SNRNP40: variants seen among roughly 807,000 people sequenced by gnomAD.
SNRNP40 encodes the protein U5 small nuclear ribonucleoprotein 40 kDa protein.
Under a neutral mutation model 45.8 loss-of-function variants are expected in SNRNP40, and 21 were observed. The observed-to-expected ratio is 0.46, with a 90% CI of 0.32 to 0.66. The LOEUF is 0.66. Among genes scored for constraint, SNRNP40 ranks in the 30% least tolerant of loss-of-function variants. SNRNP40 has a pLI of 0.03. For missense variants in SNRNP40, 344 were observed against 439.1 expected (o/e 0.78, Z 1.94); for synonymous variants, 142 against 163.8 (o/e 0.87, Z 1.01).
intron 4 of SNRNP40, among the ~76,000 whole-genome samples, chr1:31,286,649 C>T (rs531079914): frequency 5.3e-4 from 80 of 152,294 alleles, no homozygotes; most frequent in South Asian, 8.3e-4. Flanking sequence ...CACGTACAGG[C>T]GACCCTTTCA....
intron 5 of SNRNP40, among the ~76,000 whole-genome samples, chr1:31,273,715 C>A (rs1332123377): frequency 1.3e-5 from 2 of 151,916 alleles, no homozygotes; most frequent in East Asian, 3.9e-4. Context: ...AATGAAAAAT[C>A]TGGGCATCTG....
chr1:31,281,788 T>C (rs1043875818), intron 4 of SNRNP40: 1 of 217,616 alleles, frequency 4.6e-6, no homozygotes, highest in African/African-American at 2.3e-5. Context: ...CCTAACTACT[T>C]AGTTCATATA....
Position 31,296,735 on chromosome 1 carries a change from T to G in SNRNP40, c.17A>C (p.Lys6Thr). 1 of 1,608,626 alleles carries G rather than the reference T, an allele frequency of 6.2e-7. No homozygotes were observed. Among genetic ancestry groups the G allele is most frequent in the Non-Finnish European group, 8.5e-7 (1 of 1,177,822 alleles). ...CAGCGGCAACTCTGGGCCCTTACGC[T>G]TCTGCTGTTCTATCATGGCGGCAAC... MIEQQ[K>T]RKGPELPLVP... The change falls in exon 1 of 10, where the codon AAG becomes ACG. Residue 6 changes from lysine (K) to threonine (T), a missense_variant. Transcript: ENST00000263694.
chr1:31,293,940 T>C (rs1646123736), intron 1 of SNRNP40, among the ~76,000 whole-genome samples: 1 of 151,850 alleles, frequency 6.6e-6, no homozygotes, highest in African/African-American at 2.4e-5. Flanking sequence ...CTGGGTGAAA[T>C]AGTTTTGTTT....
chr1:31,290,317 A>G (rs1331059561), intron 3 of SNRNP40, among the ~76,000 whole-genome samples: 3 of 152,162 alleles, frequency 2.0e-5, no homozygotes, highest in Non-Finnish European at 2.9e-5. Context: ...TTATAAGCAC[A>G]TGCCACCAGG....
chr1:31,293,995 G>A (rs1237930918), intron 1 of SNRNP40, among the ~76,000 whole-genome samples: 1 of 152,054 alleles, frequency 6.6e-6, no homozygotes, highest in Non-Finnish European at 1.5e-5. Context: ...GTTTTGCTCT[G>A]TCACCCAGGC....
intron 5 of SNRNP40, among the ~76,000 whole-genome samples, chr1:31,280,682 C>T (rs1470691217): frequency 6.6e-6 from 1 of 151,986 alleles, no homozygotes; most frequent in Non-Finnish European, 1.5e-5. Context: ...CATTTCCTGG[C>T]ACTTGTTATG....
rs147710333 is a variant in SNRNP40 at position 31,260,067 on chromosome 1, T to C, written c.*5A>G. On this transcript the variant is annotated 3_prime_UTR_variant, in exon 10 of 10. Transcript: ENST00000263694. ...AGCGGCCTTGGAGTCTTCCAGTCCA[T>C]ATCTTCACTGAATCTCTCCCATATA... 2 of 1,607,578 alleles carry C rather than the reference T, an allele frequency of 1.2e-6. No homozygotes were observed. Among genetic ancestry groups the C allele is most frequent in the African/African-American group, 1.3e-5 (1 of 74,894 alleles).
chr1:31,268,506 T>C (rs1231465153), intron 7 of SNRNP40, among the ~76,000 whole-genome samples: 1 of 152,106 alleles, frequency 6.6e-6, no homozygotes, highest in East Asian at 1.9e-4. Context: ...CTCTAACTCC[T>C]GGCCTCCCAC....
intron 3 of SNRNP40, 47 bp from the exon 4 acceptor site, chr1:31,289,466 A>C (rs763228782): frequency 6.5e-6 from 10 of 1,539,912 alleles, no homozygotes; most frequent in Non-Finnish European, 8.1e-6. Flanking sequence ...GAAGATAAAC[A>C]GTAACAATCT....
At position 31,289,408 on chromosome 1, in the gene SNRNP40, G is replaced by A; in HGVS notation, c.377C>T (p.Ser126Leu). Residue 126 changes from serine (S) to leucine (L), a missense_variant, in exon 4 of 10, where the codon TCA becomes TTA. Transcript: ENST00000263694. ...HYNTDGSMLF[S>L]ASTDKTVAVW... is the part of the protein sequence containing the mutation. ...AGCCACGGTTTTATCTGTGGATGCTGAGAAAAGCATACTAGAAAGTAAGAG... is the reference window on the plus strand; with the variant it reads ...AGCCACGGTTTTATCTGTGGATGCTAAGAAAAGCATACTAGAAAGTAAGAG... 2.5e-6 allele frequency: 4 copies of A among 1,612,704 alleles called. No individual in the cohort carries two copies. The highest frequency in any genetic ancestry group is 3.4e-6 in the Non-Finnish European group (4 of 1,178,846).
At chr1:31,295,366 G>A (rs1646139204) in intron 1 of SNRNP40, among the ~76,000 whole-genome samples, 1 of 152,122 alleles carries the variant, frequency 6.6e-6, no homozygotes, top group African/African-American at 2.4e-5. Flanking sequence ...AAGAGAGAGA[G>A]AGAAGCAATG....
In SNRNP40 at chr1:31,270,855, C is replaced by T. The variant is rs928924521; in HGVS notation, c.775+524G>A. ...TTACTTTTTTTCTGTAGTAACCCAT[C>T]CTCCCACCCTACAACTCAAAAACAA... On this transcript the variant is annotated intron_variant, in intron 6 of 9. Coordinates refer to ENST00000263694, the MANE Select transcript of SNRNP40 (RefSeq NM_004814.3). Among the ~76,000 whole-genome samples, 4 of 152,112 alleles carry T rather than the reference C, an allele frequency of 2.6e-5. No individual in the cohort carries two copies. In the East Asian group the frequency reaches 7.7e-4, roughly 29 times the overall value.
intron 6 of SNRNP40, among the ~76,000 whole-genome samples, chr1:31,269,938 T>C (rs1645925365): frequency 6.6e-6 from 1 of 152,176 alleles, no homozygotes; most frequent in Admixed American, 6.6e-5. Context: ...GTTTCGCTCT[T>C]GTTGCCTAGC....
intron 5 of SNRNP40, among the ~76,000 whole-genome samples, chr1:31,280,016 G>A (rs539143772): frequency 6.8e-6 from 1 of 146,504 alleles, no homozygotes; most frequent in South Asian, 2.2e-4. Context: ...GCTGAGGCAG[G>A]AGAATTGCTT....
At chr1:31,271,776 T>G (rs546358483) in intron 5 of SNRNP40, among the ~76,000 whole-genome samples, 48 of 152,204 alleles carry the variant, frequency 3.2e-4, no homozygotes, top group African/African-American at 1.2e-3. Flanking sequence ...CCCCAGTAGC[T>G]GGGACTACAG....
At chr1:31,268,616 C>T (rs186931189) in intron 7 of SNRNP40, among the ~76,000 whole-genome samples, 1 of 151,058 alleles carries the variant, frequency 6.6e-6, no homozygotes, top group East Asian at 1.9e-4. Context: ...TCAATGAGCT[C>T]TCAAAAAAAA....
chr1:31,260,226 G>A (rs1437413756), intron 9 of SNRNP40, 105 bp from the exon 10 acceptor site: 1 of 721,420 alleles, frequency 1.4e-6, no homozygotes, highest in Non-Finnish European at 2.3e-6. Flanking sequence ...AGAGCAATTG[G>A]ACTTAGCTTA....
chr1:31,264,118 T>A (rs911575188), intron 8 of SNRNP40, among the ~76,000 whole-genome samples: 4 of 152,198 alleles, frequency 2.6e-5, no homozygotes, highest in Non-Finnish European at 5.9e-5. Context: ...TACTTGATCA[T>A]AAAAATGGTA....
Sources: allele counts gnomAD v4.1 joint callset (sites outside exome capture counted in the v4.1 genomes callset), GRCh38; gene constraint gnomAD v4.1.1; transcripts MANE v1.5; gene names NCBI Gene and HGNC (gene_info 2026-07-23, HGNC 2026-07-21).